CCDC102A: variants seen among roughly 807,000 people sequenced by gnomAD.
CCDC102A encodes the protein coiled-coil domain-containing protein 102A.
In CCDC102A, 40 loss-of-function variants were observed where a neutral mutation model predicts 55.5. The ratio of observed to expected loss-of-function variants is 0.72; its 90% confidence interval spans 0.56 to 0.94. The LOEUF (loss-of-function observed/expected upper bound fraction) is 0.94. Ranked by LOEUF, CCDC102A falls within the 40% of genes least tolerant of loss-of-function variation. The probability of loss-of-function intolerance (pLI) is 0.00; values close to 1 mark genes in which losing one functional copy is unlikely to be tolerated. For synonymous variants in CCDC102A, 323 were observed against 339.0 expected, an observed-to-expected ratio of 0.95 and a Z score of 0.52; for missense variants, 779 against 768.6, an observed-to-expected ratio of 1.01 and a Z score of -0.16.
intron 4 of CCDC102A, among the ~76,000 whole-genome samples, chr16:57,520,546 C>CATAAT (rs1567602848): frequency 1.9e-5 from 2 of 106,532 alleles, no homozygotes; most frequent in African/African-American, 3.8e-5. Context: ...AATAACATAA[C>CATAAT]ATAACATAAC....
In CCDC102A at chr16:57,512,201, A is replaced by G; in HGVS notation, c.*540T>C. The G allele has an allele frequency of 2.6e-6, 1 of 378,374 alleles. No individual in the cohort carries two copies. 23.4% of individuals were successfully genotyped at this position (378,374 alleles called of 1,614,324 possible). On this transcript the variant is annotated 3_prime_UTR_variant, in exon 9 of 9. Transcript: ENST00000258214. ...TCTTCTTCACATTCACTCATTTATT[A>G]AGTTACTTGACATTCCTGAGCTCTG...
intron 1 of CCDC102A, among the ~76,000 whole-genome samples, chr16:57,533,333 G>GC (rs2032305746): frequency 6.6e-6 from 1 of 151,866 alleles, no homozygotes; most frequent in Middle Eastern, 3.4e-3. Context: ...AGCCCACCCC[G>GC]CCCCCAGCAC....
chr16:57,526,036 C>A lies in CCDC102A; in HGVS notation c.677G>T (p.Arg226Leu). The stretch of plus-strand genomic sequence containing the variant: ...GCGCTCCTGGCGGCCTGAGCTGCCC[C>A]GCGGGCCCCCAGCCCCCAGGCTGCG... Reference protein sequence around the residue: ...EARSLGAGGPRGSSGRQERSR... With the variant: ...EARSLGAGGPLGSSGRQERSR... Residue 226 changes from arginine to leucine, a missense_variant, in exon 3 of 9, where the codon CGG (arginine) becomes CTG (leucine). Coordinates refer to ENST00000258214, the MANE Select transcript of CCDC102A (RefSeq NM_033212.4). 1 of 1,597,566 alleles carries A rather than the reference C, an allele frequency of 6.3e-7. No individual in the cohort carries two copies.
intron 1 of CCDC102A, among the ~76,000 whole-genome samples, chr16:57,533,173 C>G (rs1274701391): frequency 2.0e-5 from 3 of 152,178 alleles, no homozygotes; most frequent in African/African-American, 7.2e-5. Flanking sequence ...CCAGGCCCCT[C>G]CTAGGGGCTG....
In CCDC102A at chr16:57,512,554, CAT is replaced by C. The variant is rs1256451715; in HGVS notation, c.*185_*186del. ...CGTGTGTGTATATATATATATAAAA[CAT>C]AGGCTTCCTTTCCACAGGGCGTTGG... On this transcript the variant is annotated 3_prime_UTR_variant, in exon 9 of 9. Coordinates refer to ENST00000258214, the MANE Select transcript of CCDC102A (RefSeq NM_033212.4). 71 of 655,390 alleles carry C rather than the reference CAT, an allele frequency of 1.1e-4. No homozygotes were observed. In the African/African-American group the frequency reaches 1.2e-3, roughly 11 times the overall value. 40.6% of individuals were successfully genotyped at this position (655,390 alleles called of 1,614,324 possible). A position where few individuals can be genotyped will look rare whatever the true frequency, so the allele number is the denominator to read the frequency against.
At position 57,512,637 on chromosome 16, in the gene CCDC102A, A is replaced by T; in HGVS notation, c.*104T>A. 7.2e-7 allele frequency: 1 copy of T among 1,393,304 alleles called. No individual in the cohort carries two copies. The allele number at this position is 1,393,304 out of a possible 1,614,324, so 86.3% of individuals were successfully genotyped here. On this transcript the variant is annotated 3_prime_UTR_variant, in exon 9 of 9. Coordinates refer to ENST00000258214, the MANE Select transcript of CCDC102A (RefSeq NM_033212.4). ...GAGAAGAAAGTCGGCTGTGGCAGGG[A>T]CTGGTCCCAGAGTGAGCCTAGGCAC...
chr16:57,521,521 A>C (rs1223366830), intron 3 of CCDC102A, among the ~76,000 whole-genome samples: 3 of 151,680 alleles, frequency 2.0e-5, no homozygotes, highest in Admixed American at 6.6e-5. Flanking sequence ...TGGCCACTCC[A>C]CTCCTTGGCC....
chr16:57,524,748 C>T (rs75311521), intron 3 of CCDC102A, among the ~76,000 whole-genome samples: 2,327 of 151,364 alleles, frequency 0.015, 64 homozygotes, highest in African/African-American at 0.054. Context: ...ATAGGTTATG[C>T]TATTGTCGTA....
Position 57,516,804 on chromosome 16 carries a change from G to A in CCDC102A, c.1249-341C>T, listed in dbSNP as rs1212385222. Among the ~76,000 whole-genome samples the A allele has an allele frequency of 6.6e-6, 1 of 152,108 alleles. No individual in the cohort carries two copies. Among genetic ancestry groups the A allele is most frequent in the African/African-American group, 2.4e-5 (1 of 41,406 alleles). ...GGTCTGGAGTCTTCAGGGGCGTATG[G>A]CATTGAAAGAGCTGGGTTGGGAATG... On this transcript the variant is annotated intron_variant, in intron 6 of 8. Transcript: ENST00000258214. The surrounding 1 kb of genome is among the most constrained non-coding windows in gnomAD (Gnocchi z 4.4).
intron 2 of CCDC102A, 48 bp from the exon 3 acceptor site, chr16:57,526,175 C>T: frequency 7.1e-7 from 1 of 1,413,928 alleles, no homozygotes; most frequent in Non-Finnish European, 9.5e-7. Flanking sequence ...CAAGCCAGGC[C>T]CTGGGTCTGA....
chr16:57,529,552 C>T lies in CCDC102A; in HGVS notation c.-147-228G>A, dbSNP rs2032214813. ...TCACCCAGCGGCGCTAATCTGAAAC[C>T]TTGATCTGTTCTTTATTCTCCCGGT... On this transcript the variant is annotated intron_variant, in intron 1 of 8. Coordinates refer to ENST00000258214, the MANE Select transcript of CCDC102A (RefSeq NM_033212.4). The surrounding 1 kb of genome is among the most constrained non-coding windows in gnomAD (Gnocchi z 4.1). Among the ~76,000 whole-genome samples, 1 of 152,178 alleles carries T rather than the reference C, an allele frequency of 6.6e-6. No individual in the cohort carries two copies. The highest frequency in any genetic ancestry group is 6.5e-5 in the Admixed American group (1 of 15,286).
At chr16:57,525,807 C>CT in intron 3 of CCDC102A, 94 bp downstream of exon 3, 1 of 1,119,562 alleles carries the variant, frequency 8.9e-7, no homozygotes, top group Non-Finnish European at 1.3e-6. Context: ...TAAACACTAC[C>CT]TGTCATCTTC....
Position 57,528,770 on chromosome 16 carries a change from C to A in CCDC102A, c.408G>T (p.Leu136=). Reference sequence around the variant, plus strand: ...CTTGGCGCTCGCGCCGTGCGCCCGCCAGCTCCTTGGTGAGCGCGTCCAGGC... The same window carrying A: ...CTTGGCGCTCGCGCCGTGCGCCCGCAAGCTCCTTGGTGAGCGCGTCCAGGC... ...RQRLDALTKE[L]AGARRERQEA... is the part of the protein sequence containing the mutation. The change falls in exon 2 of 9, where the codon CTG becomes CTT. Residue 136 remains leucine, a synonymous_variant. Coordinates refer to ENST00000258214, the MANE Select transcript of CCDC102A (RefSeq NM_033212.4). The A allele has an allele frequency of 8.4e-7, 1 of 1,194,098 alleles. No homozygotes were observed. The highest frequency in any genetic ancestry group is 1.0e-6 in the Non-Finnish European group (1 of 955,440). The allele number at this position is 1,194,098 out of a possible 1,614,324, so 74.0% of individuals were successfully genotyped here.
At chr16:57,521,893 T>C (rs116664318) in intron 3 of CCDC102A, among the ~76,000 whole-genome samples, 2,409 of 152,312 alleles carry the variant, frequency 0.016, 64 homozygotes, top group African/African-American at 0.054. Context: ...GAACACTCCA[T>C]GCCTCCAACA....
At chr16:57,515,505 C>G (rs770936552) in intron 7 of CCDC102A, 61 bp from the exon 8 acceptor site, 94 of 1,110,824 alleles carry the variant, frequency 8.5e-5, no homozygotes, top group Non-Finnish European at 1.1e-4. Context: ...AGGCCGGCCA[C>G]CCGCCCAGGG....
Position 57,512,734 on chromosome 16 carries a change from G to A in CCDC102A, c.*7C>T. The A allele has an allele frequency of 6.2e-7, 1 of 1,612,886 alleles. No homozygotes were observed. The highest frequency in any genetic ancestry group is 1.1e-5 in the South Asian group (1 of 90,910). On this transcript the variant is annotated 3_prime_UTR_variant, in exon 9 of 9. Coordinates refer to ENST00000258214, the MANE Select transcript of CCDC102A (RefSeq NM_033212.4). ...GGGCGGCCCATCCTGCCCAGCCACA[G>A]GAAGCTCTAGGCCACCTGGATTTGC... is the stretch of plus-strand genomic sequence containing the variant.
At chr16:57,526,508 G>GT (rs1387389359) in intron 2 of CCDC102A, among the ~76,000 whole-genome samples, 2 of 152,186 alleles carry the variant, frequency 1.3e-5, no homozygotes, top group Non-Finnish European at 2.9e-5. Flanking sequence ...CTAAGATCCT[G>GT]TTTTTTCAGG....
chr16:57,535,619 C>A (rs1208828838), intron 1 of CCDC102A, among the ~76,000 whole-genome samples: 4 of 152,018 alleles, frequency 2.6e-5, no homozygotes, highest in Admixed American at 6.5e-5. Flanking sequence ...TCATGGGGAC[C>A]CAGCCCCACC....
chr16:57,528,613 C>T lies in CCDC102A; in HGVS notation c.565G>A (p.Glu189Lys). Reference sequence around the variant, plus strand: ...CGCACCTGGCTGCCTGGCGGCCTCTCGGACCCGACGTCACGCACTGGCTCG... The same window carrying T: ...CGCACCTGGCTGCCTGGCGGCCTCTTGGACCCGACGTCACGCACTGGCTCG... ...EREPVRDVGSERPPGSQELEL... is the reference protein window; with the variant it reads ...EREPVRDVGSKRPPGSQELEL... The change falls in exon 2 of 9, where the codon GAG (glutamate) becomes AAG (lysine). Residue 189 changes from glutamate (E) to lysine (K), a missense_variant. Physicochemically the swap from Glu to Lys is moderately conservative, Grantham distance 56. Coordinates refer to ENST00000258214, the MANE Select transcript of CCDC102A (RefSeq NM_033212.4). 7.8e-7 allele frequency: 1 copy of T among 1,276,484 alleles called. No individual in the cohort carries two copies. Among genetic ancestry groups the T allele is most frequent in the Non-Finnish European group, 1.0e-6 (1 of 1,003,998 alleles). The allele number at this position is 1,276,484 out of a possible 1,614,324, so 79.1% of individuals were successfully genotyped here. A position where few individuals can be genotyped will look rare whatever the true frequency, so the allele number is the denominator to read the frequency against.
Sources: gnomAD v4.1 joint callset for allele counts (sites outside exome capture counted in the v4.1 genomes callset) on GRCh38, gnomAD v4.1.1 for gene constraint, Gnocchi (gnomAD v3.1) non-coding constraint, MANE v1.5 for transcripts, NCBI Gene and HGNC (gene_info 2026-07-23, HGNC 2026-07-21) for gene names.